The following FER variants were observed in gnomAD, a reference collection of about 807,000 sequenced individuals.
FER encodes tyrosine-protein kinase Fer.
Under a neutral mutation model 111.0 loss-of-function variants are expected in FER, and 63 were observed. That is an observed-to-expected ratio of 0.57 (90% CI 0.46 to 0.70). The LOEUF is 0.70. Ranked by LOEUF, FER falls within the 30% of genes least tolerant of loss-of-function variation. FER has a pLI of 0.00. For missense variants in FER, 914 were observed against 954.0 expected, an observed-to-expected ratio of 0.96 and a Z score of 0.55; for synonymous variants, 327 against 313.9, an observed-to-expected ratio of 1.04 and a Z score of -0.44.
Position 108,845,067 on chromosome 5 carries a change from T to TACACAC in FER, c.481+9284_481+9289dup, listed in dbSNP as rs61156019. Among the ~76,000 whole-genome samples, 46 of 53,860 alleles carry TACACAC rather than the reference T, an allele frequency of 8.5e-4. 1 individual carries two copies. The highest frequency in any genetic ancestry group is 3.2e-3 in the African/African-American group (42 of 13,220). 35.3% of individuals were successfully genotyped at this position (53,860 alleles called of 152,430 possible). On this transcript the variant is annotated intron_variant, in intron 5 of 19. Coordinates refer to ENST00000281092, the MANE Select transcript of FER (RefSeq NM_005246.4). ...ATATATATATATATATATATATATA[T>TACACAC]ACACACACACACACACACACACACA...
intron 18 of FER, 31 bp from the exon 19 acceptor site, chr5:109,186,159 TACTGTGCCTC>T (rs1225226856): frequency 6.2e-7 from 1 of 1,613,996 alleles, no homozygotes; most frequent in Admixed American, 1.7e-5. Context: ...CCTACTTGTC[TACTGTGCCTC>T]ATGTGGTTAT....
chr5:108,896,070 T>G (rs1311700003), intron 9 of FER, among the ~76,000 whole-genome samples: 1 of 152,176 alleles, frequency 6.6e-6, no homozygotes, highest in East Asian at 1.9e-4. Flanking sequence ...CACCTTTTTG[T>G]GACTGATATT....
chr5:108,949,438 A>G (rs532983096), intron 11 of FER, among the ~76,000 whole-genome samples: 44 of 152,228 alleles, frequency 2.9e-4, no homozygotes, highest in Non-Finnish European at 5.9e-4. Context: ...GATTTTTTGC[A>G]TTATATCACT....
intron 13 of FER, among the ~76,000 whole-genome samples, chr5:108,992,704 G>A (rs1408873552): frequency 2.0e-5 from 3 of 151,384 alleles, no homozygotes; most frequent in Non-Finnish European, 4.4e-5. Flanking sequence ...CTCCCGGATG[G>A]GGTGGCTGCT....
intron 17 of FER, among the ~76,000 whole-genome samples, chr5:109,142,095 T>C (rs577093990): frequency 6.6e-6 from 1 of 152,172 alleles, no homozygotes; most frequent in East Asian, 1.9e-4. Context: ...AACTTTGGGC[T>C]CAGGAAGAAA....
At chr5:108,767,197 A>G (rs1251485617) in intron 1 of FER, among the ~76,000 whole-genome samples, 2 of 152,118 alleles carry the variant, frequency 1.3e-5, no homozygotes, top group Non-Finnish European at 1.5e-5. Flanking sequence ...CCAGATACTC[A>G]GGAGCCTGAG....
rs140002067 is a variant in FER, at chr5:108,940,196, A to G, written c.1237-5934A>G. Among the ~76,000 whole-genome samples the G allele has an allele frequency of 2.8e-3, 424 of 152,226 alleles. 1 individual carries two copies. Among genetic ancestry groups the G allele is most frequent in the African/African-American group, 9.7e-3 (404 of 41,562 alleles). On this transcript the variant is annotated intron_variant, in intron 10 of 19. Coordinates refer to ENST00000281092, the MANE Select transcript of FER (RefSeq NM_005246.4). Reference sequence around the variant, plus strand: ...TTTAACTGTGTAGTAATTGACTGTCATAGAAAATGGTAGTCAAAATCAAAT... The same window carrying G: ...TTTAACTGTGTAGTAATTGACTGTCGTAGAAAATGGTAGTCAAAATCAAAT...
chr5:109,189,774 T>G lies in FER; in HGVS notation c.*2199T>G, dbSNP rs571850141. 6.6e-6 allele frequency: 1 copy of G among 152,342 alleles called. No homozygotes were observed. The highest frequency in any genetic ancestry group is 1.9e-4 in the East Asian group (1 of 5,186). The allele number at this position is 152,342 out of a possible 1,614,324, so 9.4% of individuals were successfully genotyped here. On this transcript the variant is annotated 3_prime_UTR_variant, in exon 20 of 20. Coordinates refer to ENST00000281092, the MANE Select transcript of FER (RefSeq NM_005246.4). ...CAGCAAGGAGAGAGAATGATGGTTT[T>G]GGCTTTAGTTTTATGAACAAGACCT... is the stretch of plus-strand genomic sequence containing the variant.
intron 3 of FER, 45 bp downstream of exon 3, chr5:108,798,434 T>C: frequency 6.8e-7 from 1 of 1,472,062 alleles, no homozygotes; most frequent in Non-Finnish European, 9.4e-7. Flanking sequence ...ACATTATAAT[T>C]GTCCTTAAAA....
At chr5:108,894,084 C>A (rs1259578251) in intron 9 of FER, among the ~76,000 whole-genome samples, 1 of 151,736 alleles carries the variant, frequency 6.6e-6, no homozygotes, top group Non-Finnish European at 1.5e-5. Flanking sequence ...ACTCTTCCAC[C>A]ATCTCCAGGG....
intron 17 of FER, among the ~76,000 whole-genome samples, chr5:109,163,044 C>A (rs1582330441): frequency 6.6e-6 from 1 of 152,222 alleles, no homozygotes; most frequent in South Asian, 2.1e-4. Flanking sequence ...ACTCATCTGT[C>A]ACTGTAGCTT....
At chr5:108,814,456 C>T (rs530718701) in intron 3 of FER, among the ~76,000 whole-genome samples, 2 of 152,168 alleles carry the variant, frequency 1.3e-5, no homozygotes, top group South Asian at 4.1e-4. Context: ...AGGTACAATA[C>T]GTGTTTGTAT....
At chr5:109,011,537 T>C (rs879316893) in intron 13 of FER, among the ~76,000 whole-genome samples, 2 of 152,232 alleles carry the variant, frequency 1.3e-5, no homozygotes, top group Non-Finnish European at 2.9e-5. Flanking sequence ...CTTTAACTTC[T>C]TGGACTTAAT....
chr5:108,767,701 C>G (rs145287408), intron 1 of FER, among the ~76,000 whole-genome samples: 2 of 152,188 alleles, frequency 1.3e-5, no homozygotes, highest in Non-Finnish European at 2.9e-5. Flanking sequence ...AGGCTGGCCT[C>G]GAACTCCTGT....
At chr5:108,819,528 G>T (rs1471418992) in intron 3 of FER, among the ~76,000 whole-genome samples, 1 of 152,154 alleles carries the variant, frequency 6.6e-6, no homozygotes, top group Non-Finnish European at 1.5e-5. Context: ...TAAGATGAAG[G>T]TATTTTCTTC....
chr5:108,904,864 G>A (rs186721407), intron 10 of FER, among the ~76,000 whole-genome samples: 63 of 152,138 alleles, frequency 4.1e-4, no homozygotes, highest in Non-Finnish European at 7.4e-4. Context: ...CAGCTTTTCT[G>A]TGGCATGAAT....
chr5:108,867,196 C>G (rs1764152456), intron 5 of FER, among the ~76,000 whole-genome samples: 1 of 152,062 alleles, frequency 6.6e-6, no homozygotes. Context: ...AGCACAGTTC[C>G]TAGTAGCGTT....
At chr5:109,004,574 A>G (rs1385299091) in intron 13 of FER, among the ~76,000 whole-genome samples, 1 of 152,224 alleles carries the variant, frequency 6.6e-6, no homozygotes, top group Non-Finnish European at 1.5e-5. Context: ...TAATATGCTT[A>G]CAAAATATCC....
intron 17 of FER, among the ~76,000 whole-genome samples, chr5:109,131,694 C>A (rs1036209215): frequency 6.6e-6 from 1 of 151,974 alleles, no homozygotes; most frequent in East Asian, 1.9e-4. Flanking sequence ...CTGATGAGTG[C>A]TTTTAGTTTG....
Sources: gnomAD v4.1 joint callset for allele counts (sites outside exome capture counted in the v4.1 genomes callset) on GRCh38, gnomAD v4.1.1 for gene constraint, MANE v1.5 for transcripts, NCBI Gene and HGNC (gene_info 2026-07-23, HGNC 2026-07-21) for gene names.